OXR1: variants seen among roughly 807,000 people sequenced by gnomAD.
OXR1 encodes the protein oxidation resistance 1, also known as oxidation resistance protein 1.
OXR1 carries 41 observed loss-of-function variants against 104.6 expected under a neutral mutation model. The ratio of observed to expected loss-of-function variants is 0.39; its 90% CI spans 0.31 to 0.51. The LOEUF is 0.51. Ranked by LOEUF, OXR1 falls within the 20% of genes least tolerant of loss-of-function variation. OXR1 has a pLI of 0.77. For missense variants in OXR1, 955 were observed against 1,031.9 expected, an observed-to-expected ratio of 0.93 and a Z score of 1.02; for synonymous variants, 348 against 348.4, an observed-to-expected ratio of 1.00 and a Z score of 0.01.
At chr8:106,733,984 T>C (rs1415088065) in intron 11 of OXR1, among the ~76,000 whole-genome samples, 1 of 119,820 alleles carries the variant, frequency 8.3e-6, no homozygotes, top group East Asian at 2.4e-4. Context: ...TAGAATTAAT[T>C]CTGGATTTTT....
At chr8:106,560,609 T>C (rs1001346103) in intron 3 of OXR1, among the ~76,000 whole-genome samples, 7 of 152,120 alleles carry the variant, frequency 4.6e-5, no homozygotes, top group African/African-American at 7.2e-5. Context: ...AGCACTGAAG[T>C]CACAGAACAC....
intron 8 of OXR1, among the ~76,000 whole-genome samples, 190 bp from the exon 9 acceptor site, chr8:106,706,192 A>C (rs554557009): frequency 2.0e-5 from 3 of 152,276 alleles, no homozygotes; most frequent in African/African-American, 7.2e-5. Context: ...GATTTATAGA[A>C]TTACTTGGTC....
intron 3 of OXR1, among the ~76,000 whole-genome samples, chr8:106,599,883 C>T (rs1280674703): frequency 2.0e-5 from 3 of 151,742 alleles, no homozygotes; most frequent in African/African-American, 7.3e-5. Flanking sequence ...ACTGTTCCAC[C>T]ACAGATGATC....
At chr8:106,579,893 G>C (rs1818112304) in intron 3 of OXR1, among the ~76,000 whole-genome samples, 1 of 150,704 alleles carries the variant, frequency 6.6e-6, no homozygotes, top group South Asian at 2.1e-4. Context: ...CAGAGCAAAT[G>C]CTTTTATCAT....
At chr8:106,503,426 G>A (rs1484835404) in intron 2 of OXR1, among the ~76,000 whole-genome samples, 1 of 152,142 alleles carries the variant, frequency 6.6e-6, no homozygotes, top group Non-Finnish European at 1.5e-5. Flanking sequence ...ACCCTTGGCT[G>A]ACCGCCCAAT....
intron 1 of OXR1, among the ~76,000 whole-genome samples, chr8:106,347,882 T>C (rs1297849148): frequency 6.6e-6 from 1 of 152,174 alleles, no homozygotes; most frequent in African/African-American, 2.4e-5. Flanking sequence ...TTATTAACAT[T>C]TAGTGTTCAC....
At chr8:106,404,666 C>G (rs1386465490) in intron 2 of OXR1, among the ~76,000 whole-genome samples, 2 of 151,872 alleles carry the variant, frequency 1.3e-5, no homozygotes, top group Non-Finnish European at 2.9e-5. Context: ...TGTTACTTTT[C>G]CAAAAGTATC....
chr8:106,516,063 C>T (rs914030426), intron 2 of OXR1, among the ~76,000 whole-genome samples: 2 of 152,064 alleles, frequency 1.3e-5, no homozygotes, highest in African/African-American at 4.8e-5. Context: ...TGTTTAACTT[C>T]ATCTCCAGCT....
chr8:106,528,870 G>A (rs983436818), intron 3 of OXR1, among the ~76,000 whole-genome samples: 2 of 152,294 alleles, frequency 1.3e-5, no homozygotes, highest in South Asian at 4.1e-4. Flanking sequence ...TGGCATGCAG[G>A]TCACTGTCTA....
At chr8:106,679,915 G>T (rs1222126928) in intron 4 of OXR1, among the ~76,000 whole-genome samples, 3 of 151,830 alleles carry the variant, frequency 2.0e-5, no homozygotes, top group African/African-American at 4.8e-5. Flanking sequence ...TTGTTTATTT[G>T]GATAATGTTA....
At chr8:106,527,359 T>A (rs1161822776) in intron 3 of OXR1, among the ~76,000 whole-genome samples, 1 of 152,178 alleles carries the variant, frequency 6.6e-6, no homozygotes, top group Non-Finnish European at 1.5e-5. Context: ...TCTGATCAAG[T>A]CATCCCCTGT....
At chr8:106,290,491 A>C (rs976799725) in intron 1 of OXR1, among the ~76,000 whole-genome samples, 1 of 152,228 alleles carries the variant, frequency 6.6e-6, no homozygotes, top group Non-Finnish European at 1.5e-5. Flanking sequence ...CAAAGAAACT[A>C]TCAATAAAGT....
chr8:106,750,120 G>A (rs1410852629), intron 16 of OXR1, among the ~76,000 whole-genome samples: 2 of 149,546 alleles, frequency 1.3e-5, no homozygotes, highest in Non-Finnish European at 3.0e-5. Context: ...TGTTAAATAT[G>A]TTAAAACCAT....
intron 15 of OXR1, among the ~76,000 whole-genome samples, chr8:106,745,479 T>G (rs1465440088): frequency 6.6e-6 from 1 of 152,230 alleles, no homozygotes; most frequent in African/African-American, 2.4e-5. Context: ...TTTACTTCTT[T>G]CTCAATTTTT....
chr8:106,284,180 G>T (rs1389158452), intron 1 of OXR1, among the ~76,000 whole-genome samples: 1 of 151,982 alleles, frequency 6.6e-6, no homozygotes, highest in Non-Finnish European at 1.5e-5. Flanking sequence ...CCTGGAAGGT[G>T]CTCTGAAGGC....
At chr8:106,569,525 A>C (rs142012931) in intron 3 of OXR1, among the ~76,000 whole-genome samples, 2 of 152,202 alleles carry the variant, frequency 1.3e-5, no homozygotes, top group African/African-American at 4.8e-5. Flanking sequence ...TCTTCATGCT[A>C]TGTTACCAGC....
rs530793430 is a variant in OXR1, at chr8:106,721,435, C to T, written c.1956+7450C>T. Among the ~76,000 whole-genome samples the T allele has an allele frequency of 1.1e-4, 17 of 152,064 alleles. No individual in the cohort carries two copies. The East Asian group carries it at 3.3e-3, about 29-fold the overall frequency. On this transcript the variant is annotated intron_variant, in intron 11 of 16. Coordinates refer to ENST00000517566, the MANE Select transcript of OXR1 (RefSeq NM_001198533.2). The stretch of plus-strand genomic sequence containing the variant: ...CATTTACTTGATTAAATTTTAAGAA[C>T]GAATTTACTAAGATTATGTGTTGAT...
At chr8:106,336,761 A>G (rs1436707420) in intron 1 of OXR1, among the ~76,000 whole-genome samples, 1 of 152,204 alleles carries the variant, frequency 6.6e-6, no homozygotes, top group Non-Finnish European at 1.5e-5. Flanking sequence ...AATACCAAAT[A>G]GGAGAATTTT....
At position 106,710,626 on chromosome 8, in the gene OXR1, T is replaced by C; in HGVS notation, c.1629T>C (p.Ser543=). The change falls in exon 10 of 17, where the codon TCT becomes TCC. Residue 543 remains serine, a synonymous_variant. Coordinates refer to ENST00000517566, the MANE Select transcript of OXR1 (RefSeq NM_001198533.2). ...CTGTTTGCATCTCAATTCTAGGTTCTGCACTTTTAAAAGAAAAGCAAAGGC... is the reference window on the plus strand; with the variant it reads ...CTGTTTGCATCTCAATTCTAGGTTCCGCACTTTTAAAAGAAAAGCAAAGGC... ...ITSADGHIES[S]ALLKEKQRHR... The C allele has an allele frequency of 6.3e-7, 1 of 1,585,016 alleles. No homozygotes were observed. Among genetic ancestry groups the C allele is most frequent in the Non-Finnish European group, 8.6e-7 (1 of 1,165,986 alleles).
Sources: allele counts gnomAD v4.1 joint callset (sites outside exome capture counted in the v4.1 genomes callset), GRCh38; gene constraint gnomAD v4.1.1; transcripts MANE v1.5; gene names NCBI Gene and HGNC (gene_info 2026-07-23, HGNC 2026-07-21).